ADGRG2: variants seen among roughly 807,000 people sequenced by gnomAD.
ADGRG2 encodes the protein adhesion G protein-coupled receptor G2.
Under a neutral mutation model 74.1 loss-of-function variants are expected in ADGRG2, and 26 were observed. That is an observed-to-expected ratio of 0.35 (90% CI 0.26 to 0.49). ADGRG2 has a LOEUF of 0.49. ADGRG2 is among the 20% of genes least tolerant of loss of function. ADGRG2 has a pLI of 0.99. For synonymous variants in ADGRG2, 296 were observed against 295.2 expected, an observed-to-expected ratio of 1.00 and a Z score of -0.03; for missense variants, 619 against 763.1, an observed-to-expected ratio of 0.81 and a Z score of 2.22.
intron 14 of ADGRG2, 118 bp downstream of exon 14, chrX:19,020,986 C>A: frequency 2.0e-6 from 1 of 499,145 alleles, no homozygotes; most frequent in Non-Finnish European, 3.4e-6. Context: ...TGCCCAAGGA[C>A]AAAGGAGTCA....
intron 3 of ADGRG2, among the ~76,000 whole-genome samples, chrX:19,042,542 C>T (rs1034364288): frequency 2.7e-5 from 3 of 111,664 alleles, no homozygotes; most frequent in Non-Finnish European, 3.8e-5. Context: ...ATTTGAGTTT[C>T]ACCTCTTTCT....
intron 1 of ADGRG2, among the ~76,000 whole-genome samples, chrX:19,090,943 G>A (rs2062008187): frequency 9.0e-6 from 1 of 111,389 alleles, no homozygotes; most frequent in African/African-American, 3.3e-5. Context: ...TGAAGACAGG[G>A]GGATCTGACC....
intron 26 of ADGRG2, among the ~76,000 whole-genome samples, chrX:18,998,719 T>G (rs904524613): frequency 9.1e-6 from 1 of 109,519 alleles, no homozygotes; most frequent in African/African-American, 3.3e-5. Flanking sequence ...GTATCAGCAG[T>G]TTTTAGCAAT....
At chrX:19,003,222 T>C (rs2060165251) in intron 23 of ADGRG2, 108 bp from the exon 24 acceptor site, 3 of 541,184 alleles carry the variant, frequency 5.5e-6, no homozygotes, top group Non-Finnish European at 9.3e-6. Context: ...TGGAGTGCAG[T>C]AGCGTGATCT....
chrX:19,121,283 T>C (rs762931396), intron 1 of ADGRG2, among the ~76,000 whole-genome samples: 4 of 111,464 alleles, frequency 3.6e-5, no homozygotes, highest in South Asian at 3.8e-4. Context: ...CTGTACCCCA[T>C]TGGGGGGCTG....
At chrX:19,097,089 C>A (rs1348060727) in intron 1 of ADGRG2, among the ~76,000 whole-genome samples, 2 of 112,486 alleles carry the variant, frequency 1.8e-5, no homozygotes, top group African/African-American at 6.5e-5. Context: ...TCCACCCAGC[C>A]CCTCTCTGCC....
At position 19,028,254 on chromosome X, in the gene ADGRG2, C is replaced by CA; in HGVS notation, c.359-17dup. On this transcript the variant is annotated splice_polypyrimidine_tract_variant and intron_variant, in intron 9 of 28. Transcript: ENST00000379869. Reference sequence around the variant, plus strand: ...CTAAAAAATGCTAAAAATAAATTTTCAAAAAGATATTTGAGACTTGTATCC... The same window carrying CA: ...CTAAAAAATGCTAAAAATAAATTTTCAAAAAAGATATTTGAGACTTGTATCC... The CA allele has an allele frequency of 1.2e-6, 1 of 842,583 alleles. No homozygotes were observed. The highest frequency in any genetic ancestry group is 1.8e-6 in the Non-Finnish European group (1 of 568,649). The allele number at this position is 842,583 out of a possible 1,213,427, so 69.4% of individuals were successfully genotyped here.
At chrX:19,024,093 G>C in intron 11 of ADGRG2, 145 bp from the exon 12 acceptor site, 1 of 444,980 alleles carries the variant, frequency 2.2e-6, no homozygotes, top group East Asian at 3.9e-5. Flanking sequence ...TATAATAAGA[G>C]AGTCCTATGT....
At chrX:19,024,211 C>G (rs919721838) in intron 11 of ADGRG2, among the ~76,000 whole-genome samples, 1 of 111,728 alleles carries the variant, frequency 9.0e-6, no homozygotes, top group Non-Finnish European at 1.9e-5. Flanking sequence ...TTTTGTTATT[C>G]ATTAGGCTAC....
intron 3 of ADGRG2, among the ~76,000 whole-genome samples, chrX:19,061,358 AAG>A (rs976080185): frequency 9.0e-6 from 1 of 111,609 alleles, no homozygotes; most frequent in African/African-American, 3.3e-5. Context: ...GGAGGCTACA[AAG>A]AGAGAAAAGA....
intron 1 of ADGRG2, among the ~76,000 whole-genome samples, chrX:19,102,451 T>TG (rs946718083): frequency 9.1e-6 from 1 of 110,252 alleles, no homozygotes; most frequent in Non-Finnish European, 1.9e-5. Context: ...AACTTGTAGG[T>TG]GCCCAGTGAC....
chrX:19,027,002 A>G (rs1284918607), intron 11 of ADGRG2, among the ~76,000 whole-genome samples: 1 of 112,145 alleles, frequency 8.9e-6, no homozygotes, highest in African/African-American at 3.2e-5. Context: ...GCTAATTCAA[A>G]TGAAGCTGTT....
Position 19,006,962 on chromosome X carries a change from G to T in ADGRG2, c.1689+273C>A, listed in dbSNP as rs188974117. ...TGCAAAGATGGGGTTTTGCCATGTT[G>T]CCCAGGCTGGTCTCAAACTCCTGAG... On this transcript the variant is annotated intron_variant, in intron 20 of 28. Transcript: ENST00000379869. 2.7e-4 allele frequency among the ~76,000 whole-genome samples: 29 copies of T among 109,400 alleles called. 1 individual carries two copies. In the East Asian group the frequency reaches 8.0e-3, roughly 30 times the overall value.
chrX:19,089,245 C>CT (rs1209800188), intron 1 of ADGRG2, among the ~76,000 whole-genome samples: 2 of 111,284 alleles, frequency 1.8e-5, no homozygotes, highest in Non-Finnish European at 3.8e-5. Flanking sequence ...TAGCCCCTCC[C>CT]TTTTGTGGCT....
At chrX:19,080,878 A>G (rs2061835425) in intron 2 of ADGRG2, among the ~76,000 whole-genome samples, 1 of 109,390 alleles carries the variant, frequency 9.1e-6, no homozygotes, top group South Asian at 4.0e-4. Flanking sequence ...ATAAGTTTAT[A>G]ATACACTCCA....
intron 1 of ADGRG2, among the ~76,000 whole-genome samples, chrX:19,103,952 G>A (rs145954735): frequency 1.5e-3 from 170 of 111,422 alleles, no homozygotes; most frequent in African/African-American, 5.2e-3. Context: ...TGAACATATA[G>A]AGGGGCCCAG....
chrX:19,075,471 A>G (rs1326449251), intron 2 of ADGRG2, among the ~76,000 whole-genome samples: 1 of 108,762 alleles, frequency 9.2e-6, no homozygotes, highest in African/African-American at 3.3e-5. Context: ...TATATAGATT[A>G]GCCAGGTGTG....
chrX:19,044,576 G>A (rs2061138344), intron 3 of ADGRG2, among the ~76,000 whole-genome samples: 1 of 111,808 alleles, frequency 8.9e-6, no homozygotes, highest in South Asian at 3.7e-4. Context: ...TGGAGAATGA[G>A]TTGCAAGGAA....
intron 23 of ADGRG2, among the ~76,000 whole-genome samples, chrX:19,003,671 C>A (rs1280762103): frequency 9.0e-6 from 1 of 111,661 alleles, no homozygotes; most frequent in Non-Finnish European, 1.9e-5. Context: ...TTCTGTGGGA[C>A]CTTTTACATG....
Sources: allele counts gnomAD v4.1 joint callset (sites outside exome capture counted in the v4.1 genomes callset), GRCh38; gene constraint gnomAD v4.1.1; transcripts MANE v1.5; gene names NCBI Gene and HGNC (gene_info 2026-07-23, HGNC 2026-07-21).